SSBP4: variants seen among roughly 807,000 people sequenced by gnomAD.
The protein encoded by SSBP4 is single stranded DNA binding protein 4.
SSBP4 carries 33 observed loss-of-function variants against 64.6 expected under a neutral mutation model. The observed-to-expected ratio is 0.51, with a 90% CI of 0.39 to 0.68. The LOEUF is 0.68. SSBP4 is among the 30% of genes least tolerant of loss of function. The pLI is 0.00. For synonymous variants in SSBP4, 243 were observed against 224.0 expected (o/e 1.08, Z -0.76); for missense variants, 583 against 566.8 (o/e 1.03, Z -0.29).
intron 1 of SSBP4, among the ~76,000 whole-genome samples, chr19:18,424,072 C>A (rs1400027370): frequency 2.0e-5 from 3 of 152,214 alleles, no homozygotes; most frequent in African/African-American, 7.2e-5. Flanking sequence ...CAATAACAAC[C>A]CACAGTTCTT....
rs757494325 is a variant in SSBP4, at chr19:18,433,231, C to T, written c.991+18C>T. The T allele has an allele frequency of 1.1e-5, 17 of 1,548,882 alleles. No individual in the cohort carries two copies. The highest frequency in any genetic ancestry group is 1.4e-5 in the Non-Finnish European group (16 of 1,146,406). On this transcript the variant is annotated intron_variant, in intron 15 of 17. Coordinates refer to ENST00000270061, the MANE Select transcript of SSBP4 (RefSeq NM_032627.5). ...ATCCCTGGGTGAGTGGGCGTCCCTG[C>T]TCCCGCCCACGTTGCCTTCCGGGCC...
chr19:18,418,707 G>A (rs1167875510), upstream of SSBP4, among the ~76,000 whole-genome samples: 1 of 152,254 alleles, frequency 6.6e-6, no homozygotes, highest in African/African-American at 2.4e-5. The surrounding 1 kb of genome is among the most constrained non-coding windows in gnomAD (Gnocchi z 6.7). Context: ...CGCAGGCCCT[G>A]TGACTGTGGA....
intron 4 of SSBP4, among the ~76,000 whole-genome samples, chr19:18,429,582 C>T (rs1973176002): frequency 6.6e-6 from 1 of 151,770 alleles, no homozygotes; most frequent in Admixed American, 6.5e-5. Context: ...CTCAAAGGTG[C>T]CCCCTCCCCA....
In SSBP4 at chr19:18,419,435, A is replaced by G. The variant is rs1600276253; in HGVS notation, c.-214A>G. 2 of 1,045,354 alleles carry G rather than the reference A, an allele frequency of 1.9e-6. No homozygotes were observed. The highest frequency in any genetic ancestry group is 1.1e-6 in the Non-Finnish European group (1 of 870,930). 64.8% of individuals were successfully genotyped at this position (1,045,354 alleles called of 1,614,324 possible). On this transcript the variant is annotated 5_prime_UTR_variant, in exon 1 of 18. Transcript: ENST00000270061. ...AGCCCGCGCGGAGGAAAGGGAGGAA[A>G]AAAAGCCACCCTGCGGCCGGGGCCG...
At chr19:18,428,373 CTCT>C (rs1973025965) in intron 4 of SSBP4, among the ~76,000 whole-genome samples, 2 of 152,206 alleles carry the variant, frequency 1.3e-5, no homozygotes, top group African/African-American at 4.8e-5. Flanking sequence ...ACTGCTGCTC[CTCT>C]GAGCGGGGAG....
chr19:18,406,700 C>T, the SSBP4 span, among the ~76,000 whole-genome samples: 1 of 151,936 alleles, frequency 6.6e-6, no homozygotes, highest in Non-Finnish European at 1.5e-5. Context: ...AGGTCCGCTG[C>T]TGGTGGAATC....
At chr19:18,408,789 C>A in the SSBP4 span, among the ~76,000 whole-genome samples, 4 of 152,082 alleles carry the variant, frequency 2.6e-5, no homozygotes, top group South Asian at 8.3e-4. Context: ...CCGCACGCGG[C>A]CCAAACCACC....
At position 18,427,566 on chromosome 19, in the gene SSBP4, G is replaced by T; in HGVS notation, c.132+143G>T. 2 of 1,251,452 alleles carry T rather than the reference G, an allele frequency of 1.6e-6. No homozygotes were observed. Among genetic ancestry groups the T allele is most frequent in the South Asian group, 1.5e-5 (1 of 68,586 alleles). The allele number at this position is 1,251,452 out of a possible 1,614,324, so 77.5% of individuals were successfully genotyped here. On this transcript the variant is annotated intron_variant, in intron 2 of 17. Transcript: ENST00000270061. This position sits in a 1 kb window ranked among gnomAD's most constrained non-coding sequence, Gnocchi z 4.4. Reference sequence around the variant, plus strand: ...AGGGCTCTGCAGGGTCCAGGCCCTGGGCTAGCATCCAGGCATCTGGTCCAC... The same window carrying T: ...AGGGCTCTGCAGGGTCCAGGCCCTGTGCTAGCATCCAGGCATCTGGTCCAC...
In SSBP4 at chr19:18,432,130, C is replaced by T. The variant is rs1421024172; in HGVS notation, c.637-17C>T. The T allele has an allele frequency of 2.5e-6, 4 of 1,612,224 alleles. No individual in the cohort carries two copies. The South Asian group carries it at 3.3e-5, about 13-fold the overall frequency. Reference sequence around the variant, plus strand: ...GCTGTCCCCGGTCTACCCCTCACAGCCCCTTTGCCTCCGCAGAGCTATGGA... The same window carrying T: ...GCTGTCCCCGGTCTACCCCTCACAGTCCCTTTGCCTCCGCAGAGCTATGGA... On this transcript the variant is annotated splice_polypyrimidine_tract_variant and intron_variant, in intron 9 of 17. Transcript: ENST00000270061.
chr19:18,403,302 C>T, the SSBP4 span, among the ~76,000 whole-genome samples: 1 of 152,342 alleles, frequency 6.6e-6, no homozygotes, highest in Non-Finnish European at 1.5e-5. Flanking sequence ...TGAGGGAACT[C>T]AGAGACTGGT....
chr19:18,419,251 C>T, upstream of SSBP4: 10 of 991,150 alleles, frequency 1.0e-5, no homozygotes, highest in Non-Finnish European at 1.2e-5. Flanking sequence ...GTAGCCGCGC[C>T]CCCACCCCCC....
At chr19:18,411,481 C>T in the SSBP4 span, among the ~76,000 whole-genome samples, 10 of 151,524 alleles carry the variant, frequency 6.6e-5, no homozygotes, top group Non-Finnish European at 1.0e-4. Context: ...GGCAACAGAG[C>T]GAGACTTCGT....
chr19:18,432,472 C>T (rs1973492344), intron 10 of SSBP4, 87 bp from the exon 11 acceptor site: 2 of 1,496,160 alleles, frequency 1.3e-6, no homozygotes, highest in Non-Finnish European at 1.8e-6. Flanking sequence ...TCTGGGGATA[C>T]AGTGGAGCAG....
At chr19:18,406,563 C>T in the SSBP4 span, among the ~76,000 whole-genome samples, 1 of 151,740 alleles carries the variant, frequency 6.6e-6, no homozygotes, top group Admixed American at 6.6e-5. Context: ...TGGGAGGATC[C>T]GTTGGGCCCA....
Position 18,427,309 on chromosome 19 carries a change from C to T in SSBP4, c.60-42C>T. On this transcript the variant is annotated intron_variant, in intron 1 of 17. Transcript: ENST00000270061. This position sits in a 1 kb window ranked among gnomAD's most constrained non-coding sequence, Gnocchi z 4.4. ...GGAGGGGCTTTGGGGTGGGCCCTTG[C>T]CTTGGAGAGTCTGAGCTCCCTGGGC... The T allele has an allele frequency of 6.3e-7, 1 of 1,599,906 alleles. No homozygotes were observed. The highest frequency in any genetic ancestry group is 8.5e-7 in the Non-Finnish European group (1 of 1,176,166).
At chr19:18,412,735 G>A in the SSBP4 span, among the ~76,000 whole-genome samples, 5 of 152,136 alleles carry the variant, frequency 3.3e-5, no homozygotes, top group Admixed American at 6.5e-5. Flanking sequence ...GAGTGGTGGC[G>A]CACACCTGTG....
upstream of SSBP4, chr19:18,419,255 AC>A (rs1308588726): frequency 6.1e-6 from 6 of 987,976 alleles, no homozygotes; most frequent in South Asian, 2.4e-4. Flanking sequence ...CCGCGCCCCC[AC>A]CCCCCGCGGC....
At chr19:18,422,730 G>A (rs1024249988) in intron 1 of SSBP4, among the ~76,000 whole-genome samples, 105 of 152,248 alleles carry the variant, frequency 6.9e-4, no homozygotes, top group African/African-American at 1.6e-3. Flanking sequence ...GCAGCCACGC[G>A]GCTCTCAGGA....
chr19:18,417,140 C>G (rs942472768), upstream of SSBP4, among the ~76,000 whole-genome samples: 1 of 152,084 alleles, frequency 6.6e-6, no homozygotes, highest in Admixed American at 6.5e-5. This position sits in a 1 kb window ranked among gnomAD's most constrained non-coding sequence, Gnocchi z 5.4. Context: ...CGTCCTGTCA[C>G]CAGGGGTCCC....
Sources: gnomAD v4.1 joint callset for allele counts (sites outside exome capture counted in the v4.1 genomes callset) on GRCh38, gnomAD v4.1.1 for gene constraint, Gnocchi (gnomAD v3.1) non-coding constraint, MANE v1.5 for transcripts, NCBI Gene and HGNC (gene_info 2026-07-23, HGNC 2026-07-21) for gene names.